Variants in WNK1 observed in about 807,000 individuals in gnomAD.
The protein encoded by WNK1 is WNK lysine deficient protein kinase 1, also known as serine/threonine-protein kinase WNK1.
In WNK1, 38 loss-of-function variants were observed where a neutral mutation model predicts 222.8. The observed-to-expected ratio is 0.17, with a 90% CI of 0.13 to 0.22. WNK1 has a LOEUF of 0.22. Among genes scored for constraint, WNK1 ranks in the 10% least tolerant of loss-of-function variants. WNK1 has a pLI of 1.00. For missense variants in WNK1, 2,348 were observed against 2,918.4 expected, an observed-to-expected ratio of 0.80 and a Z score of 4.50; for synonymous variants, 1,090 against 1,092.9, an observed-to-expected ratio of 1.00 and a Z score of 0.05.
intron 4 of WNK1, among the ~76,000 whole-genome samples, chr12:836,980 C>T (rs1949237344): frequency 6.6e-6 from 1 of 151,936 alleles, no homozygotes; most frequent in African/African-American, 2.4e-5. Flanking sequence ...TATATACCTA[C>T]CCATCTAAAG....
chr12:826,802 A>G (rs1418922489), intron 2 of WNK1, among the ~76,000 whole-genome samples: 1 of 152,218 alleles, frequency 6.6e-6, no homozygotes, highest in Non-Finnish European at 1.5e-5. Context: ...ACCTAATACT[A>G]TCATTGTTTA....
intron 8 of WNK1, chr12:865,492 C>G: frequency 7.9e-7 from 1 of 1,264,862 alleles, no homozygotes; most frequent in Admixed American, 2.9e-5. Flanking sequence ...TCTAGGATAC[C>G]AGTTATTCCT....
chr12:895,975 GAAAT>G, intron 23 of WNK1, 92 bp from the exon 24 acceptor site: 1 of 1,531,764 alleles, frequency 6.5e-7, no homozygotes, highest in Admixed American at 1.8e-5. Flanking sequence ...CTTTGACAGG[GAAAT>G]AAAGTGATTC....
intron 1 of WNK1, among the ~76,000 whole-genome samples, chr12:804,965 T>A (rs1946241214): frequency 2.7e-5 from 4 of 148,048 alleles, no homozygotes. Flanking sequence ...TAAAATATAA[T>A]TAATATTTTA....
chr12:819,523 A>T (rs567814019), intron 2 of WNK1, among the ~76,000 whole-genome samples: 2 of 151,924 alleles, frequency 1.3e-5, no homozygotes, highest in South Asian at 4.2e-4. Flanking sequence ...TGGATCTTGG[A>T]TTTTCTGATT....
At chr12:785,958 T>G (rs533295316) in intron 1 of WNK1, among the ~76,000 whole-genome samples, 22 of 152,312 alleles carry the variant, frequency 1.4e-4, no homozygotes, top group African/African-American at 5.3e-4. Flanking sequence ...TGTTGGGATC[T>G]TTAGAGCTGT....
chr12:830,312 A>G lies in WNK1; in HGVS notation c.1311+152A>G. The G allele has an allele frequency of 3.6e-6, 3 of 825,368 alleles. No individual in the cohort carries two copies. In the Admixed American group the frequency reaches 6.0e-5, roughly 17 times the overall value. The allele number at this position is 825,368 out of a possible 1,614,324, so 51.1% of individuals were successfully genotyped here. On this transcript the variant is annotated intron_variant, in intron 4 of 27. Coordinates refer to ENST00000315939, the MANE Select transcript of WNK1 (RefSeq NM_018979.4). ...GGGGGGTGGTGTTGAGGTATGTGTA[A>G]GGCTATTGCTCATGATACAGTGAAA...
At chr12:794,043 A>T (rs528171009) in intron 1 of WNK1, among the ~76,000 whole-genome samples, 5 of 151,972 alleles carry the variant, frequency 3.3e-5, no homozygotes, top group Non-Finnish European at 4.4e-5. Context: ...GGCTTTTTTC[A>T]CTCAGTGTAA....
At chr12:801,173 G>A (rs546997884) in intron 1 of WNK1, among the ~76,000 whole-genome samples, 2 of 152,216 alleles carry the variant, frequency 1.3e-5, no homozygotes, top group Non-Finnish European at 2.9e-5. Context: ...TGGAGGGAAA[G>A]TGGGTAACAG....
chr12:785,829 A>G (rs1428227569), intron 1 of WNK1, among the ~76,000 whole-genome samples: 3 of 152,138 alleles, frequency 2.0e-5, no homozygotes, highest in Non-Finnish European at 4.4e-5. Flanking sequence ...AAGTAATCCC[A>G]TGAGCCTTGG....
In WNK1 at chr12:879,828, G is replaced by A. The variant is rs1952985467; in HGVS notation, c.2629G>A (p.Ala877Thr). Reference sequence around the variant, plus strand: ...CATTACTCAGCCTCTGCTCACGTTGGCTTCATCTGCTACAACAGCTGCGAT... The same window carrying A: ...CATTACTCAGCCTCTGCTCACGTTGACTTCATCTGCTACAACAGCTGCGAT... ...AGITQPLLTL[A>T]SSATTAAIPG... Residue 877 changes from alanine to threonine, a missense_variant, in exon 11 of 28, where the codon GCT (alanine) becomes ACT (threonine). Ala to Thr is a moderately conservative substitution (Grantham distance 58). Coordinates refer to ENST00000315939, the MANE Select transcript of WNK1 (RefSeq NM_018979.4). The A allele has an allele frequency of 6.2e-7, 1 of 1,613,926 alleles. No homozygotes were observed. The highest frequency in any genetic ancestry group is 8.5e-7 in the Non-Finnish European group (1 of 1,180,006).
At chr12:905,747 G>A (rs529867215) in intron 26 of WNK1, among the ~76,000 whole-genome samples, 3 of 152,246 alleles carry the variant, frequency 2.0e-5, no homozygotes, top group African/African-American at 4.8e-5. Context: ...GCTGTTCATG[G>A]AAGGCTGTTT....
intron 2 of WNK1, among the ~76,000 whole-genome samples, chr12:814,198 G>A (rs564741306): frequency 2.7e-4 from 41 of 151,476 alleles, no homozygotes; most frequent in South Asian, 2.7e-3. Flanking sequence ...GCATGGTGGC[G>A]TGCACCTGTA....
intron 22 of WNK1, among the ~76,000 whole-genome samples, chr12:894,200 A>T (rs1200151686): frequency 6.6e-6 from 1 of 152,266 alleles, no homozygotes; most frequent in Non-Finnish European, 1.5e-5. Flanking sequence ...CCTGGCCAAC[A>T]GAGCGAAACT....
chr12:754,888 C>G (rs1214474717), intron 1 of WNK1, among the ~76,000 whole-genome samples: 5 of 152,170 alleles, frequency 3.3e-5, no homozygotes, highest in Admixed American at 6.6e-5. Flanking sequence ...ATGCTTAAGC[C>G]TTACAGTAGC....
At chr12:881,650 A>C in intron 12 of WNK1, 42 bp from the exon 13 acceptor site, 1 of 1,496,816 alleles carries the variant, frequency 6.7e-7, no homozygotes, top group Non-Finnish European at 9.3e-7. Flanking sequence ...TGAATGATAA[A>C]TCTATTACTA....
rs1270158662 is a variant in WNK1, at chr12:762,857, C to T, written c.759+8533C>T. ...TGCCTCCTGAGTTCAAGGGATTCTC[C>T]TGCCTCAGCCTCCCGAGTAGCTGGG... On this transcript the variant is annotated intron_variant, in intron 1 of 27. Coordinates refer to ENST00000315939, the MANE Select transcript of WNK1 (RefSeq NM_018979.4). Among the ~76,000 whole-genome samples the T allele has an allele frequency of 3.4e-5, 5 of 146,554 alleles. 1 individual carries two copies. The highest frequency in any genetic ancestry group is 7.6e-5 in the Non-Finnish European group (5 of 65,600).
At chr12:868,601 A>G (rs1426363218) in intron 8 of WNK1, 2 of 1,613,904 alleles carry the variant, frequency 1.2e-6, no homozygotes, top group African/African-American at 2.7e-5. Context: ...AACTCATAAC[A>G]ATGAGAGCAG....
intron 14 of WNK1, 99 bp from the exon 15 acceptor site, chr12:882,844 T>A: frequency 1.3e-6 from 1 of 794,572 alleles, no homozygotes; most frequent in Non-Finnish European, 2.2e-6. Context: ...CTATGCTTCC[T>A]TAGACATAAA....
Sources: gnomAD v4.1 joint callset for allele counts (sites outside exome capture counted in the v4.1 genomes callset) on GRCh38, gnomAD v4.1.1 for gene constraint, MANE v1.5 for transcripts, NCBI Gene and HGNC (gene_info 2026-07-23, HGNC 2026-07-21) for gene names.